The following CHODL variants were observed in gnomAD, a reference collection of about 807,000 sequenced individuals.
The protein encoded by CHODL is chondrolectin, also known as transmembrane protein MT75.
Under a neutral mutation model 34.5 loss-of-function variants are expected in CHODL, and 29 were observed. The observed-to-expected ratio is 0.84, with a 90% CI of 0.63 to 1.15. The LOEUF is 1.15. Among genes scored for constraint, CHODL ranks in the 50% most tolerant of loss-of-function variants. The pLI is 0.00. For synonymous variants in CHODL, 125 were observed against 116.1 expected (o/e 1.08, Z -0.49); for missense variants, 332 against 332.5 (o/e 1.00, Z 0.01).
chr21:17,973,417 CTTTTT>C (rs3077803), intron 1 of CHODL, among the ~76,000 whole-genome samples: 1 of 123,492 alleles, frequency 8.1e-6, no homozygotes, highest in African/African-American at 3.2e-5. Context: ...TTCTTTCTTT[CTTTTT>C]TTTTTTTTTT....
chr21:18,174,166 C>G (rs1424399907), intron 2 of CHODL, among the ~76,000 whole-genome samples: 2 of 42,640 alleles, frequency 4.7e-5, no homozygotes, highest in Non-Finnish European at 1.2e-4. Flanking sequence ...TATATAAAAT[C>G]AAGTCTCTCA....
At position 18,141,769 on chromosome 21, in the gene CHODL, T is replaced by G. The variant is rs546565962; in HGVS notation, c.-45+113798T>G. On this transcript the variant is annotated intron_variant, in intron 2 of 6. Coordinates refer to the CHODL transcript ENST00000400127. ...ATGATAATGTGTTGTTGGGAGAAAC[T>G]CCTACATTTGTAGATCAGCAGGAGA... Among the ~76,000 whole-genome samples the G allele has an allele frequency of 1.4e-4, 21 of 149,254 alleles. No individual in the cohort carries two copies. In the South Asian group the frequency reaches 4.3e-3, roughly 30 times the overall value.
chr21:18,160,984 G>T (rs1353532678), intron 2 of CHODL, among the ~76,000 whole-genome samples: 1 of 152,000 alleles, frequency 6.6e-6, no homozygotes, highest in Non-Finnish European at 1.5e-5. Flanking sequence ...CCACAACCTT[G>T]CCAGTATCTG....
chr21:18,042,646 C>T (rs2064390246), intron 2 of CHODL, among the ~76,000 whole-genome samples: 1 of 151,870 alleles, frequency 6.6e-6, no homozygotes, highest in Admixed American at 6.6e-5. Context: ...ATAAGTTAAC[C>T]ATTTTGTTCA....
At chr21:18,202,464 G>A (rs1158513948) in intron 2 of CHODL, among the ~76,000 whole-genome samples, 1 of 152,152 alleles carries the variant, frequency 6.6e-6, no homozygotes, top group Non-Finnish European at 1.5e-5. Context: ...CTTGGCACAT[G>A]CATCAAGGAA....
intron 2 of CHODL, among the ~76,000 whole-genome samples, chr21:18,188,767 G>A (rs1406448830): frequency 6.6e-6 from 1 of 152,210 alleles, no homozygotes; most frequent in Non-Finnish European, 1.5e-5. Flanking sequence ...GACAGAGAGA[G>A]GCTCTCTAAG....
chr21:18,144,065 A>C (rs1367684688), intron 2 of CHODL, among the ~76,000 whole-genome samples: 2 of 152,102 alleles, frequency 1.3e-5, no homozygotes, highest in African/African-American at 4.8e-5. Flanking sequence ...AGCTATTTAC[A>C]TGTAATTAGT....
chr21:17,955,354 GA>G (rs2063487841), intron 1 of CHODL, among the ~76,000 whole-genome samples: 1 of 136,928 alleles, frequency 7.3e-6, no homozygotes, highest in African/African-American at 2.5e-5. Context: ...GTTTTCCTGA[GA>G]AAAACCCTGA....
At chr21:18,071,907 G>T (rs774196686) in intron 2 of CHODL, among the ~76,000 whole-genome samples, 3 of 151,974 alleles carry the variant, frequency 2.0e-5, no homozygotes, top group Non-Finnish European at 4.4e-5. Context: ...CACTCTGCTG[G>T]TCTGTGCATT....
chr21:18,158,718 A>G (rs1312416031), intron 2 of CHODL, among the ~76,000 whole-genome samples: 3 of 151,930 alleles, frequency 2.0e-5, no homozygotes, highest in Admixed American at 6.6e-5. Context: ...GGTGCCTGTA[A>G]TCCCAGCTAC....
At chr21:18,096,024 A>G (rs1293837810) in intron 2 of CHODL, among the ~76,000 whole-genome samples, 1 of 152,230 alleles carries the variant, frequency 6.6e-6, no homozygotes, top group African/African-American at 2.4e-5. Flanking sequence ...GCAGCAGAAG[A>G]ACATAAATTG....
chr21:18,108,701 G>C (rs77441619), intron 2 of CHODL, among the ~76,000 whole-genome samples: 1,882 of 152,192 alleles, frequency 0.012, 31 homozygotes, highest in African/African-American at 0.043. Flanking sequence ...CATTCCACTG[G>C]AAAAACCCTA....
intron 2 of CHODL, among the ~76,000 whole-genome samples, chr21:18,129,814 G>T (rs2072630547): frequency 6.6e-6 from 1 of 152,016 alleles, no homozygotes; most frequent in South Asian, 2.1e-4. Context: ...TAAATTGCTT[G>T]GCAGTTGCAG....
chr21:18,159,878 T>G (rs894004472), intron 2 of CHODL, among the ~76,000 whole-genome samples: 1 of 152,110 alleles, frequency 6.6e-6, no homozygotes, highest in Non-Finnish European at 1.5e-5. Context: ...AGCCAAGGAC[T>G]GTGGGCAGCC....
At chr21:18,190,984 T>C (rs1377008706) in intron 2 of CHODL, among the ~76,000 whole-genome samples, 1 of 152,126 alleles carries the variant, frequency 6.6e-6, no homozygotes, top group Admixed American at 6.5e-5. Flanking sequence ...GTACAAATGG[T>C]AGGTCATCAA....
At chr21:18,018,355 C>T (rs902666651) in intron 1 of CHODL, among the ~76,000 whole-genome samples, 1 of 152,038 alleles carries the variant, frequency 6.6e-6, no homozygotes, top group African/African-American at 2.4e-5. Flanking sequence ...GAATTGTAAT[C>T]CCCAATGCTG....
chr21:18,212,391 A>G (rs964529), intron 2 of CHODL, among the ~76,000 whole-genome samples: 65,670 of 151,838 alleles, frequency 0.43, 16,175 homozygotes, highest in African/African-American at 0.68. Context: ...ATGACAACCC[A>G]GACAAATTTA....
intron 2 of CHODL, among the ~76,000 whole-genome samples, chr21:18,145,910 T>C (rs866826255): frequency 6.6e-6 from 1 of 152,180 alleles, no homozygotes; most frequent in South Asian, 2.1e-4. Context: ...ATTGTGCACA[T>C]CAAGAAAGAA....
At chr21:18,063,676 G>A (rs1199331522) in intron 2 of CHODL, among the ~76,000 whole-genome samples, 1 of 152,126 alleles carries the variant, frequency 6.6e-6, no homozygotes, top group Non-Finnish European at 1.5e-5. Context: ...ATATTCAGGA[G>A]ATTTACAATT....
Sources: gnomAD v4.1 joint callset for allele counts (sites outside exome capture counted in the v4.1 genomes callset) on GRCh38, gnomAD v4.1.1 for gene constraint, MANE v1.5 for transcripts, NCBI Gene and HGNC (gene_info 2026-07-23, HGNC 2026-07-21) for gene names.